INSYN1: variants seen among roughly 807,000 people sequenced by gnomAD.
INSYN1 encodes inhibitory synaptic factor 1.
A neutral mutation model predicts 17.1 loss-of-function variants in INSYN1; 7 were observed. The ratio of observed to expected loss-of-function variants is 0.41; its 90% confidence interval spans 0.23 to 0.77. INSYN1 has a LOEUF of 0.77. INSYN1 is among the 30% of genes least tolerant of loss of function. The pLI is 0.32. For missense variants in INSYN1, 339 were observed against 400.6 expected (o/e 0.85, Z 1.31); for synonymous variants, 174 against 166.3 (o/e 1.05, Z -0.36).
chr15:73,746,442 C>G (rs1421898425), intron 2 of INSYN1, among the ~76,000 whole-genome samples: 11 of 152,220 alleles, frequency 7.2e-5, no homozygotes, highest in African/African-American at 2.7e-4. Context: ...CTCTCCTGCT[C>G]CAGCTGCTTC....
Position 73,740,413 on chromosome 15 carries a change from T to C in INSYN1, c.386A>G (p.Glu129Gly). The change falls in exon 3 of 3, where the codon GAG (glutamate) becomes GGG (glycine). Residue 129 changes from glutamate (E) to glycine (G), a missense_variant. Physicochemically the swap from Glu to Gly is moderately conservative, Grantham distance 98. Coordinates refer to ENST00000569673, the MANE Select transcript of INSYN1 (RefSeq NM_001039614.3). ...AGGGCCAGCCCCTGGCCGAGTCGACTCGGGACCATCCACGGAGTCCGAGGG... is the reference window on the plus strand; with the variant it reads ...AGGGCCAGCCCCTGGCCGAGTCGACCCGGGACCATCCACGGAGTCCGAGGG... The part of the protein sequence containing the change: ...STPSDSVDGP[E>G]STRPGAGPDY... 1.2e-6 allele frequency: 2 copies of C among 1,612,622 alleles called. No homozygotes were observed.
At chr15:73,749,339 A>T (rs553593584) in intron 2 of INSYN1, among the ~76,000 whole-genome samples, 1 of 152,214 alleles carries the variant, frequency 6.6e-6, no homozygotes, top group Admixed American at 6.5e-5. Flanking sequence ...TAGTAAATGG[A>T]CAGAGCTGGT....
chr15:73,751,631 A>G lies in INSYN1; in HGVS notation c.-501T>C. 6.0e-6 allele frequency: 1 copy of G among 166,622 alleles called. No homozygotes were observed. The highest frequency in any genetic ancestry group is 1.3e-5 in the Non-Finnish European group (1 of 75,274). The allele number at this position is 166,622 out of a possible 1,614,324, so 10.3% of individuals were successfully genotyped here. A position where few individuals can be genotyped will look rare whatever the true frequency, so the allele number is the denominator to read the frequency against. ...AGAGGGATGGTGGCCAGGGTCTTCC[A>G]GATGTGGAAGGGGCTCCGGATATGG... On this transcript the variant is annotated 5_prime_UTR_variant, in exon 2 of 3. Coordinates refer to ENST00000569673, the MANE Select transcript of INSYN1 (RefSeq NM_001039614.3).
intron 2 of INSYN1, among the ~76,000 whole-genome samples, chr15:73,749,818 A>G (rs1901932216): frequency 6.6e-6 from 1 of 152,174 alleles, no homozygotes; most frequent in Admixed American, 6.5e-5. Flanking sequence ...GACCCTGGAC[A>G]GCTCTTGTCC....
chr15:73,739,460 C>A lies in INSYN1; in HGVS notation c.*457G>T, dbSNP rs544120926. 6.6e-6 allele frequency: 1 copy of A among 152,270 alleles called. No homozygotes were observed. The highest frequency in any genetic ancestry group is 1.5e-5 in the Non-Finnish European group (1 of 68,126). 9.4% of individuals were successfully genotyped at this position (152,270 alleles called of 1,614,324 possible). ...CAGGGCCTGGCCAGACTGATGCCAC[C>A]CCCAGGCCCTGAGTCCTGCAGTCTC... On this transcript the variant is annotated 3_prime_UTR_variant, in exon 3 of 3. Transcript: ENST00000569673.
At position 73,739,862 on chromosome 15, in the gene INSYN1, T is replaced by TAC. The variant is rs1901629816; in HGVS notation, c.*54_*55insGT. 3.3e-6 allele frequency: 1 copy of TAC among 306,982 alleles called. No individual in the cohort carries two copies. Among genetic ancestry groups the TAC allele is most frequent in the African/African-American group, 2.2e-5 (1 of 45,494 alleles). The allele number at this position is 306,982 out of a possible 1,614,324, so 19.0% of individuals were successfully genotyped here. ...AAATATATATATATATATATATATA[T>TAC]ATATATTTATTTATAGCTCTATGTG... is the stretch of plus-strand genomic sequence containing the variant. On this transcript the variant is annotated 3_prime_UTR_variant, in exon 3 of 3. Transcript: ENST00000569673.
intron 2 of INSYN1, among the ~76,000 whole-genome samples, chr15:73,745,714 C>A (rs1487295587): frequency 6.6e-6 from 1 of 152,072 alleles, no homozygotes; most frequent in African/African-American, 2.4e-5. Flanking sequence ...GAGGCTGAGG[C>A]AGGAGAATGG....
intron 2 of INSYN1, among the ~76,000 whole-genome samples, chr15:73,747,269 C>T (rs1437412594): frequency 1.3e-5 from 2 of 152,152 alleles, no homozygotes; most frequent in East Asian, 1.9e-4. Flanking sequence ...CTTCCTGCCC[C>T]CATCCCTGTC....
At chr15:73,745,403 G>A (rs888130456) in intron 2 of INSYN1, among the ~76,000 whole-genome samples, 8 of 152,026 alleles carry the variant, frequency 5.3e-5, no homozygotes, top group African/African-American at 7.3e-5. Context: ...TCTTCACTTC[G>A]AGAAGGAAGC....
chr15:73,745,757 C>T (rs538760825), intron 2 of INSYN1, among the ~76,000 whole-genome samples: 11 of 151,136 alleles, frequency 7.3e-5, no homozygotes, highest in Non-Finnish European at 1.0e-4. Context: ...TGCAGTGAGC[C>T]GAGATCACAC....
In INSYN1 at chr15:73,751,672, G is replaced by C. The variant is rs1437509977; in HGVS notation, c.-542C>G. 6.3e-6 allele frequency: 1 copy of C among 159,008 alleles called. No individual in the cohort carries two copies. The allele number at this position is 159,008 out of a possible 1,614,324, so 9.8% of individuals were successfully genotyped here. ...CCGGATATGGGCAGCTCTGGGGAGG[G>C]AGCTGGATTGGAAGAGGGCAGCCCC... On this transcript the variant is annotated 5_prime_UTR_variant, in exon 2 of 3. Transcript: ENST00000569673.
intron 2 of INSYN1, among the ~76,000 whole-genome samples, chr15:73,743,249 G>C (rs1404133886): frequency 2.0e-5 from 3 of 152,206 alleles, no homozygotes; most frequent in Non-Finnish European, 4.4e-5. Context: ...CCTCAGGCAG[G>C]GAAGATCCAG....
At position 73,736,505 on chromosome 15, in the gene INSYN1, C is replaced by G. The variant is rs141338695; in HGVS notation, c.*3412G>C. 1 of 152,166 alleles carries G rather than the reference C, an allele frequency of 6.6e-6. No individual in the cohort carries two copies. Among genetic ancestry groups the G allele is most frequent in the Non-Finnish European group, 1.5e-5 (1 of 68,062 alleles). 9.4% of individuals were successfully genotyped at this position (152,166 alleles called of 1,614,324 possible). A position where few individuals can be genotyped will look rare whatever the true frequency, so the allele number is the denominator to read the frequency against. ...ACTTGGGAGGCTGAGGCAGGAGAAT[C>G]GCTTGAACCCAGGAGGCAGAGGTTG... On this transcript the variant is annotated 3_prime_UTR_variant, in exon 3 of 3. Coordinates refer to ENST00000569673, the MANE Select transcript of INSYN1 (RefSeq NM_001039614.3).
chr15:73,743,828 C>CAAAAAAAAAAA (rs71434209), intron 2 of INSYN1, among the ~76,000 whole-genome samples: 727 of 21,282 alleles, frequency 0.034, 128 homozygotes, highest in Middle Eastern at 0.1. Context: ...GACTCTGTCT[C>CAAAAAAAAAAA]AAAAAAAAAA....
At chr15:73,743,561 T>C (rs1901741922) in intron 2 of INSYN1, among the ~76,000 whole-genome samples, 1 of 152,108 alleles carries the variant, frequency 6.6e-6, no homozygotes. Flanking sequence ...GGCTCATGCC[T>C]GTAATCCCAG....
intron 2 of INSYN1, among the ~76,000 whole-genome samples, chr15:73,747,171 C>A (rs908148174): frequency 1.3e-5 from 2 of 152,198 alleles, no homozygotes; most frequent in Non-Finnish European, 2.9e-5. Flanking sequence ...CACCCTCAGC[C>A]GGGAATGCTC....
chr15:73,745,039 G>A (rs775329199), intron 2 of INSYN1, among the ~76,000 whole-genome samples: 5 of 141,628 alleles, frequency 3.5e-5, no homozygotes, highest in Non-Finnish European at 6.2e-5. Context: ...TGCCAGAGGT[G>A]TCCCCAACCT....
chr15:73,751,083 G>C lies in INSYN1; in HGVS notation c.48C>G (p.Pro16=), dbSNP rs551665764. 2 of 1,613,892 alleles carry C rather than the reference G, an allele frequency of 1.2e-6. No individual in the cohort carries two copies. The highest frequency in any genetic ancestry group is 2.7e-5 in the African/African-American group (2 of 74,918). The change falls in exon 2 of 3, where the codon CCC becomes CCG. Residue 16 remains proline, a synonymous_variant. Transcript: ENST00000569673. ...TCCGCTCCCGCTCACCACCACTGCTGGGGTCGTCACTGGGCTGCCCGAGGT... is the reference window on the plus strand; with the variant it reads ...TCCGCTCCCGCTCACCACCACTGCTCGGGTCGTCACTGGGCTGCCCGAGGT... ...APDLGQPSDD[P]SSGGERERIR...
rs1050922626 is a variant in INSYN1 at position 73,753,133 on chromosome 15, G to A, written c.-1591C>T. ...GGCAAACAGGCGCCGGGTCGGGGCT[G>A]GGCCTCCCTTCACCGCCTCGCCCTG... On this transcript the variant is annotated 5_prime_UTR_variant, in exon 1 of 3. Transcript: ENST00000569673. This position sits in a 1 kb window ranked among gnomAD's most constrained non-coding sequence, Gnocchi z 4.2. Among the ~76,000 whole-genome samples the A allele has an allele frequency of 2.7e-5, 4 of 148,768 alleles. No homozygotes were observed.
Sources: gnomAD v4.1 joint callset for allele counts (sites outside exome capture counted in the v4.1 genomes callset) on GRCh38, gnomAD v4.1.1 for gene constraint, Gnocchi (gnomAD v3.1) non-coding constraint, MANE v1.5 for transcripts, NCBI Gene and HGNC (gene_info 2026-07-23, HGNC 2026-07-21) for gene names.